Variants in CAST observed in about 807,000 individuals in gnomAD.
CAST encodes the protein calpastatin.
In CAST, 76 loss-of-function variants were observed where a neutral mutation model predicts 119.6. The observed-to-expected ratio is 0.64, with a 90% CI of 0.53 to 0.77. The LOEUF is 0.77. Among genes scored for constraint, CAST ranks in the 30% least tolerant of loss-of-function variants. The pLI is 0.00. For missense variants in CAST, 953 were observed against 946.5 expected (o/e 1.01, Z -0.09); for synonymous variants, 319 against 331.6 (o/e 0.96, Z 0.41).
the CAST span, among the ~76,000 whole-genome samples, chr5:96,204,434 G>A: frequency 2.0e-5 from 3 of 152,194 alleles, no homozygotes; most frequent in East Asian, 3.9e-4. Flanking sequence ...GAGGACAGGG[G>A]TTCTCTTTGT....
chr5:96,116,334 G>T, the CAST span, among the ~76,000 whole-genome samples: 1 of 152,052 alleles, frequency 6.6e-6, no homozygotes. Context: ...ACTCTGATTT[G>T]TTTACCCACT....
At chr5:96,735,213 G>T (rs138266666) in intron 9 of CAST, among the ~76,000 whole-genome samples, 3 of 152,178 alleles carry the variant, frequency 2.0e-5, no homozygotes, top group African/African-American at 7.2e-5. Context: ...TTCATACTTC[G>T]TATAGATTCA....
At chr5:96,019,623 A>G in the CAST span, among the ~76,000 whole-genome samples, 1 of 152,194 alleles carries the variant, frequency 6.6e-6, no homozygotes, top group African/African-American at 2.4e-5. Flanking sequence ...TGCTTCTGAT[A>G]TCTAGACTCC....
At chr5:96,171,238 C>CCATT in the CAST span, among the ~76,000 whole-genome samples, 1 of 152,084 alleles carries the variant, frequency 6.6e-6, no homozygotes, top group Non-Finnish European at 1.5e-5. Context: ...CCATTTAGGG[C>CCATT]CATTGTCAAG....
the CAST span, among the ~76,000 whole-genome samples, chr5:96,454,193 G>T: frequency 7.2e-5 from 11 of 152,110 alleles, no homozygotes; most frequent in Admixed American, 6.5e-4. Context: ...CCTACTACGT[G>T]GTAGCCGTAC....
chr5:96,473,624 C>T, the CAST span, among the ~76,000 whole-genome samples: 38,151 of 152,066 alleles, frequency 0.25, 4,965 homozygotes, highest in East Asian at 0.42. Flanking sequence ...GTGAATGGAG[C>T]CTGACTATAT....
At chr5:96,648,122 A>G (rs148401585) in intron 1 of CAST, among the ~76,000 whole-genome samples, 335 of 152,318 alleles carry the variant, frequency 2.2e-3, no homozygotes, top group African/African-American at 7.7e-3. Context: ...GTGTGAACTC[A>G]TCTATCCTTT....
the CAST span, among the ~76,000 whole-genome samples, chr5:96,042,669 G>A: frequency 1.3e-5 from 2 of 152,170 alleles, no homozygotes; most frequent in African/African-American, 4.8e-5. Context: ...TGGAGTAGCT[G>A]TATGACAAAG....
At chr5:96,249,908 G>T in the CAST span, among the ~76,000 whole-genome samples, 1 of 152,206 alleles carries the variant, frequency 6.6e-6, no homozygotes, top group African/African-American at 2.4e-5. Context: ...CCCTTCTAGC[G>T]ATAGCAACCT....
the CAST span, among the ~76,000 whole-genome samples, chr5:96,299,098 G>A: frequency 1.3e-5 from 2 of 151,666 alleles, no homozygotes; most frequent in South Asian, 2.1e-4. Flanking sequence ...AAAAAAAATT[G>A]GCTGGGCGTG....
At chr5:95,961,436 C>T in the CAST span, 6 of 1,111,920 alleles carry the variant, frequency 5.4e-6, no homozygotes, top group African/African-American at 1.7e-5. Flanking sequence ...CCTGCCCGGC[C>T]CTGCCCTGCC....
At chr5:96,046,450 C>A in the CAST span, among the ~76,000 whole-genome samples, 3 of 152,092 alleles carry the variant, frequency 2.0e-5, no homozygotes, top group African/African-American at 7.2e-5. Flanking sequence ...TTAAAGTGCA[C>A]TCCACATTCC....
At chr5:96,520,230 G>C in the CAST span, among the ~76,000 whole-genome samples, 1 of 152,108 alleles carries the variant, frequency 6.6e-6, no homozygotes, top group Non-Finnish European at 1.5e-5. Flanking sequence ...TAGTCCCTAA[G>C]CATCTCCCAT....
At chr5:96,317,454 G>A in the CAST span, among the ~76,000 whole-genome samples, 1 of 136,062 alleles carries the variant, frequency 7.3e-6, no homozygotes, top group Non-Finnish European at 1.5e-5. Context: ...TCAAGCCTGG[G>A]CAACAGAGTG....
the CAST span, among the ~76,000 whole-genome samples, chr5:95,993,417 A>G: frequency 1.3e-5 from 2 of 152,174 alleles, no homozygotes; most frequent in Admixed American, 1.3e-4. Context: ...TGCAAGGGAC[A>G]TTTGGCAATG....
the CAST span, among the ~76,000 whole-genome samples, chr5:96,470,238 G>A: frequency 6.6e-6 from 1 of 151,320 alleles, no homozygotes; most frequent in Non-Finnish European, 1.5e-5. Flanking sequence ...TTTTTAAATG[G>A]TAGAATGGAT....
the CAST span, among the ~76,000 whole-genome samples, chr5:96,061,833 G>A: frequency 6.6e-6 from 1 of 152,208 alleles, no homozygotes; most frequent in Non-Finnish European, 1.5e-5. Flanking sequence ...CCCTTAGTGT[G>A]AAGATATTTG....
At chr5:96,354,936 C>T in the CAST span, among the ~76,000 whole-genome samples, 1 of 151,710 alleles carries the variant, frequency 6.6e-6, no homozygotes, top group Non-Finnish European at 1.5e-5. Flanking sequence ...TATCTTCAGA[C>T]ACTAAAATAT....
chr5:96,472,570 G>A, the CAST span, among the ~76,000 whole-genome samples: 1 of 152,216 alleles, frequency 6.6e-6, no homozygotes, highest in Non-Finnish European at 1.5e-5. Context: ...GCAAGATACA[G>A]TGTATTTTCC....
Sources: allele counts gnomAD v4.1 joint callset (sites outside exome capture counted in the v4.1 genomes callset), GRCh38; gene constraint gnomAD v4.1.1; transcripts MANE v1.5; gene names NCBI Gene and HGNC (gene_info 2026-07-23, HGNC 2026-07-21).